The following SLC38A8 variants were observed in gnomAD, a reference collection of about 807,000 sequenced individuals.
SLC38A8 encodes amino acid transporter SLC38A8.
Under a neutral mutation model 46.0 loss-of-function variants are expected in SLC38A8, and 65 were observed. The ratio of observed to expected loss-of-function variants is 1.41; its 90% CI spans 1.16 to 1.74. The LOEUF (loss-of-function observed/expected upper bound fraction) is 1.74. Ranked by LOEUF, SLC38A8 falls within the 40% of genes most tolerant of loss-of-function variation. The probability of loss-of-function intolerance (pLI) is 0.00; values close to 1 mark genes in which losing one functional copy is unlikely to be tolerated. For synonymous variants in SLC38A8, 447 were observed against 243.7 expected (o/e 1.83, Z -7.77); for missense variants, 998 against 567.9 (o/e 1.76, Z -7.70).
intron 3 of SLC38A8, among the ~76,000 whole-genome samples, chr16:84,035,871 T>A (rs59793818): frequency 0.073 from 11,107 of 152,318 alleles, 531 homozygotes; most frequent in East Asian, 0.2. Flanking sequence ...CTCTTAGGAA[T>A]AGAATAACTA....
chr16:84,022,674 G>C (rs1441223459), intron 7 of SLC38A8, 101 bp downstream of exon 7: 14 of 871,576 alleles, frequency 1.6e-5, no homozygotes, highest in Non-Finnish European at 2.5e-5. Context: ...ATTGAGTATT[G>C]AGCCCAGCAC....
At chr16:84,021,954 T>A (rs191668623) in intron 7 of SLC38A8, among the ~76,000 whole-genome samples, 1 of 152,164 alleles carries the variant, frequency 6.6e-6, no homozygotes, top group African/African-American at 2.4e-5. Context: ...CTTCTTCTTA[T>A]AAAGCCACCA....
In SLC38A8 at chr16:84,042,285, G is replaced by T. The variant is rs188328304; in HGVS notation, c.-2-126C>A. The T allele has an allele frequency of 4.8e-3, 4,898 of 1,021,066 alleles. 12 individuals are homozygous for T. The highest frequency in any genetic ancestry group is 6.1e-3 in the Admixed American group (206 of 33,502). 63.3% of individuals were successfully genotyped at this position (1,021,066 alleles called of 1,614,324 possible). On this transcript the variant is annotated intron_variant, in intron 1 of 10. Transcript: ENST00000299709. ...TGAGCCGCTCCTGCCCGCTTCCTTG[G>T]CGTCAGCTCCCCCTTTCCAAAGGGT...
chr16:84,035,291 A>G (rs964564624), intron 3 of SLC38A8, among the ~76,000 whole-genome samples: 3 of 152,156 alleles, frequency 2.0e-5, no homozygotes, highest in Admixed American at 6.5e-5. Flanking sequence ...AGATACGCCA[A>G]TCTCACTTCT....
rs114218146 is a variant in SLC38A8, at chr16:84,012,344, G to C, written c.1214+657C>G. Among the ~76,000 whole-genome samples, 1,199 of 152,292 alleles carry C rather than the reference G, an allele frequency of 7.9e-3. 16 individuals carry two copies. The highest frequency in any genetic ancestry group is 0.028 in the African/African-American group (1,160 of 41,548). On this transcript the variant is annotated intron_variant, in intron 10 of 10. Coordinates refer to ENST00000299709, the MANE Select transcript of SLC38A8 (RefSeq NM_001080442.3). ...TGGCAAAGTACAGAGGCTCAGTCGT[G>C]TCTGATCCACAGGTCCGCTCGGGGA...
rs747620042 is a variant in SLC38A8, at chr16:84,031,985, G to T, written c.531-17C>A. On this transcript the variant is annotated splice_polypyrimidine_tract_variant and intron_variant, in intron 4 of 10. Transcript: ENST00000299709. ...CCTAGGATGCTAACACAGTGACCGT[G>T]TGAGGGGCTGCGCAGTGGGTGACAT... The T allele has an allele frequency of 1.2e-6, 2 of 1,609,178 alleles. No individual in the cohort carries two copies. The highest frequency in any genetic ancestry group is 1.7e-5 in the Admixed American group (1 of 59,976).
chr16:84,011,343 G>A (rs764930056), intron 10 of SLC38A8, among the ~76,000 whole-genome samples: 13 of 152,212 alleles, frequency 8.5e-5, no homozygotes, highest in African/African-American at 2.2e-4. Flanking sequence ...GGGAATGAGC[G>A]GCTTAGGGGG....
intron 2 of SLC38A8, among the ~76,000 whole-genome samples, chr16:84,040,785 A>C (rs2085358640): frequency 6.6e-6 from 1 of 152,142 alleles, no homozygotes. Context: ...CCAGAGACAC[A>C]TGACCCTCCC....
chr16:84,012,233 C>T (rs192872520), intron 10 of SLC38A8, among the ~76,000 whole-genome samples: 10 of 152,346 alleles, frequency 6.6e-5, no homozygotes, highest in African/African-American at 2.4e-4. Flanking sequence ...TCACCCAGAA[C>T]CCCAGACTAC....
intron 9 of SLC38A8, among the ~76,000 whole-genome samples, chr16:84,014,734 C>T (rs116428628): frequency 6.6e-6 from 1 of 152,208 alleles, no homozygotes; most frequent in African/African-American, 2.4e-5. Context: ...GGGGCAGGTA[C>T]GGTTAGATTC....
At chr16:84,034,952 C>G (rs1567702516) in intron 3 of SLC38A8, among the ~76,000 whole-genome samples, 1 of 152,164 alleles carries the variant, frequency 6.6e-6, no homozygotes, top group Admixed American at 6.5e-5. Flanking sequence ...TCAATTGTAC[C>G]TCGTGCCATG....
chr16:84,015,682 A>G (rs918805585), intron 9 of SLC38A8, among the ~76,000 whole-genome samples: 1 of 152,130 alleles, frequency 6.6e-6, no homozygotes, highest in Non-Finnish European at 1.5e-5. Flanking sequence ...CATGCTGCTA[A>G]TAAAGACCTA....
intron 3 of SLC38A8, among the ~76,000 whole-genome samples, chr16:84,034,874 G>A (rs1054973124): frequency 2.0e-5 from 3 of 152,024 alleles, no homozygotes; most frequent in African/African-American, 7.2e-5. Context: ...CCAACAGCAG[G>A]ACTGTACCAG....
chr16:84,016,403 TC>T, intron 9 of SLC38A8, 115 bp downstream of exon 9: 2 of 1,225,470 alleles, frequency 1.6e-6, no homozygotes, highest in Non-Finnish European at 2.3e-6. Context: ...GGGGTCTTAA[TC>T]CTACCCATAT....
At chr16:84,020,778 G>A (rs2085086230) in intron 7 of SLC38A8, among the ~76,000 whole-genome samples, 1 of 152,190 alleles carries the variant, frequency 6.6e-6, no homozygotes, top group Non-Finnish European at 1.5e-5. Context: ...TGCCTTCAGG[G>A]TCTTTCTTCC....
chr16:84,033,491 C>T (rs1400588367), intron 3 of SLC38A8, 22 bp from the exon 4 acceptor site: 1 of 1,578,234 alleles, frequency 6.3e-7, no homozygotes, highest in Non-Finnish European at 8.6e-7. Flanking sequence ...ACGGGGAGAG[C>T]TGAGCCACAG....
In SLC38A8 at chr16:84,022,720, CTT is replaced by C. The variant is rs5818479; in HGVS notation, c.805+53_805+54del. On this transcript the variant is annotated intron_variant, in intron 7 of 10. Transcript: ENST00000299709. ...CTCTAGAGAGATACTCGCTGTTACT[CTT>C]GTTTCTACTGTCACTCCCCACCCTC... The C allele has an allele frequency of 0.37, 518,317 of 1,396,962 alleles. 101,492 individuals are homozygous for C. The highest frequency in any genetic ancestry group is 0.41 in the Non-Finnish European group (403,593 of 988,502). 86.5% of individuals were successfully genotyped at this position (1,396,962 alleles called of 1,614,324 possible). A position where few individuals can be genotyped will look rare whatever the true frequency, so the allele number is the denominator to read the frequency against.
At chr16:84,015,280 C>G (rs1385959327) in intron 9 of SLC38A8, among the ~76,000 whole-genome samples, 4 of 152,118 alleles carry the variant, frequency 2.6e-5, no homozygotes, top group Non-Finnish European at 5.9e-5. Flanking sequence ...CCCTTTTCCA[C>G]TGGAAGAAGC....
At chr16:84,042,344 C>A (rs75395400) in intron 1 of SLC38A8, among the ~76,000 whole-genome samples, 185 bp from the exon 2 acceptor site, 2,819 of 152,236 alleles carry the variant, frequency 0.019, 86 homozygotes, top group East Asian at 0.086. Flanking sequence ...TCTAGTCCCC[C>A]TTCGTCTCCC....
Sources: gnomAD v4.1 joint callset for allele counts (sites outside exome capture counted in the v4.1 genomes callset) on GRCh38, gnomAD v4.1.1 for gene constraint, MANE v1.5 for transcripts, NCBI Gene and HGNC (gene_info 2026-07-23, HGNC 2026-07-21) for gene names.